The following PPFIA4 variants were observed in gnomAD, a reference collection of about 807,000 sequenced individuals.
PPFIA4 encodes the protein liprin-alpha-4.
Under a neutral mutation model 145.7 loss-of-function variants are expected in PPFIA4, and 98 were observed. The ratio of observed to expected loss-of-function variants is 0.67; its 90% confidence interval spans 0.57 to 0.80. The LOEUF (loss-of-function observed/expected upper bound fraction) is 0.80. Ranked by LOEUF, PPFIA4 falls within the 30% of genes least tolerant of loss-of-function variation. The pLI is 0.00. For synonymous variants in PPFIA4, 628 were observed against 649.6 expected (o/e 0.97, Z 0.51); for missense variants, 1,457 against 1,632.7 (o/e 0.89, Z 1.85).
At chr1:203,070,985 G>T (rs1347308657) in intron 27 of PPFIA4, among the ~76,000 whole-genome samples, 3 of 147,994 alleles carry the variant, frequency 2.0e-5, no homozygotes, top group Non-Finnish European at 3.0e-5. Flanking sequence ...ACAGGGTCTT[G>T]TTCTATCACC....
chr1:203,049,646 C>T (rs1660350602), intron 12 of PPFIA4, 30 bp from the exon 13 acceptor site: 1 of 1,387,386 alleles, frequency 7.2e-7, no homozygotes, highest in East Asian at 2.7e-5. Flanking sequence ...GGCCCCCACT[C>T]CCGCCCCCAC....
At chr1:203,053,370 TA>T (rs1660673952) in intron 14 of PPFIA4, among the ~76,000 whole-genome samples, 1 of 151,730 alleles carries the variant, frequency 6.6e-6, no homozygotes, top group Admixed American at 6.6e-5. Flanking sequence ...CCGTCTCTAC[TA>T]AAATACAAAA....
In PPFIA4 at chr1:203,044,671, TTGCCCTGGGGCTTG is replaced by T; in HGVS notation, c.577-18_577-5del. ...GGGAGGTTCTCTTCTCTTTGACTCATTGCCCTGGGGCTTGTGCCCTACAGGTGTCTGCCCTGCAG... is the reference window on the plus strand; with the variant it reads ...GGGAGGTTCTCTTCTCTTTGACTCATTGCCCTACAGGTGTCTGCCCTGCAG... On this transcript the variant is annotated splice_polypyrimidine_tract_variant and intron_variant, in intron 5 of 29. Coordinates refer to ENST00000295706, the MANE Select transcript of PPFIA4 (RefSeq NM_001304331.2). The T allele has an allele frequency of 6.5e-7, 1 of 1,537,710 alleles. No individual in the cohort carries two copies. Among genetic ancestry groups the T allele is most frequent in the Non-Finnish European group, 8.8e-7 (1 of 1,141,606 alleles).
At chr1:203,070,330 C>T (rs979973889) in intron 27 of PPFIA4, among the ~76,000 whole-genome samples, 1 of 151,978 alleles carries the variant, frequency 6.6e-6, no homozygotes, top group African/African-American at 2.4e-5. Context: ...CCTGTATGCT[C>T]AGCATTTTGG....
rs752237173 is a variant in PPFIA4, at chr1:203,044,736, C to T, written c.617C>T (p.Ala206Val). ...CAGGGGGCAGGGGTGCGGGATGGAG[C>T]GGCAGAAGAGGAGGGGACTGTGGAG... ...LQQGAGVRDG[A>V]AEEEGTVELG... The change falls in exon 6 of 30, where the codon GCG becomes GTG. Residue 206 changes from alanine (A) to valine (V), a missense_variant. Physicochemically the swap from Ala to Val is moderately conservative, Grantham distance 64. Transcript: ENST00000295706. 7.7e-5 allele frequency: 121 copies of T among 1,565,108 alleles called. No individual in the cohort carries two copies. The South Asian group carries it at 1.2e-3, about 15-fold the overall frequency.
At chr1:203,065,257 T>C (rs1379239119) in intron 25 of PPFIA4, among the ~76,000 whole-genome samples, 2 of 152,204 alleles carry the variant, frequency 1.3e-5, no homozygotes, top group African/African-American at 4.8e-5. Flanking sequence ...CCTTGGCCTA[T>C]GTGACCCCAG....
intron 1 of PPFIA4, chr1:203,035,292 C>T: frequency 2.2e-6 from 1 of 456,720 alleles, no homozygotes; most frequent in Non-Finnish European, 4.4e-6. Context: ...TGCCTTTGTC[C>T]AGCTCTCTCC....
chr1:203,067,403 C>T (rs1413147844), intron 25 of PPFIA4: 1 of 374,386 alleles, frequency 2.7e-6, no homozygotes, highest in African/African-American at 2.1e-5. Context: ...GTTCCAGTGC[C>T]TGGAGAGAGA....
At chr1:203,059,027 A>G (rs1001960964) in intron 19 of PPFIA4, 151 bp from the exon 20 acceptor site, 8 of 642,898 alleles carry the variant, frequency 1.2e-5, no homozygotes, top group Non-Finnish European at 2.2e-5. Flanking sequence ...ATGCAGGGAC[A>G]CTGAGCAGAA....
rs1052340690 is a variant in PPFIA4, at chr1:203,034,378, G to T, written c.-399-4232G>T. 15 of 448,462 alleles carry T rather than the reference G, an allele frequency of 3.3e-5. No individual in the cohort carries two copies. In the Admixed American group the frequency reaches 3.4e-4, roughly 10 times the overall value. 27.8% of individuals were successfully genotyped at this position (448,462 alleles called of 1,614,324 possible). A position where few individuals can be genotyped will look rare whatever the true frequency, so the allele number is the denominator to read the frequency against. On this transcript the variant is annotated intron_variant, in intron 1 of 29. Transcript: ENST00000295706. Reference sequence around the variant, plus strand: ...GGCTGGATTTCTGGAGGAGAGGATGGGTGAGGGCCAGGCTTCTGGGGGTAC... The same window carrying T: ...GGCTGGATTTCTGGAGGAGAGGATGTGTGAGGGCCAGGCTTCTGGGGGTAC...
intron 9 of PPFIA4, chr1:203,046,607 G>A (rs546045440): frequency 1.9e-5 from 8 of 431,694 alleles, no homozygotes; most frequent in Non-Finnish European, 2.8e-5. Flanking sequence ...AAGAAGGGGT[G>A]TAAAAGTACT....
intron 28 of PPFIA4, among the ~76,000 whole-genome samples, chr1:203,073,095 C>T (rs1420008800): frequency 6.6e-6 from 1 of 152,146 alleles, no homozygotes; most frequent in East Asian, 1.9e-4. Context: ...CAAAAATATT[C>T]TTTGAATGCC....
At chr1:203,072,546 T>C (rs1364700333) in intron 28 of PPFIA4, among the ~76,000 whole-genome samples, 1 of 152,216 alleles carries the variant, frequency 6.6e-6, no homozygotes, top group African/African-American at 2.4e-5. Flanking sequence ...GGCCCCCGCC[T>C]CCTCTTCCTC....
At chr1:203,047,853 A>T (rs571680889) in intron 9 of PPFIA4, among the ~76,000 whole-genome samples, 1 of 152,202 alleles carries the variant, frequency 6.6e-6, no homozygotes, top group African/African-American at 2.4e-5. Flanking sequence ...GCGGTGTGGC[A>T]TGAGCCCATG....
chr1:203,059,347 A>G, intron 20 of PPFIA4, 76 bp downstream of exon 20: 1 of 1,281,220 alleles, frequency 7.8e-7, no homozygotes, highest in East Asian at 2.5e-5. Flanking sequence ...GGCTGCTGTG[A>G]AACTGAGCTC....
Position 203,060,997 on chromosome 1 carries a change from G to A in PPFIA4, c.2812G>A (p.Glu938Lys). The A allele has an allele frequency of 1.2e-6, 2 of 1,614,052 alleles. No homozygotes were observed. Among genetic ancestry groups the A allele is most frequent in the Admixed American group, 3.3e-5 (2 of 60,024 alleles). ...TTCTGGGAATGTCTGGGTCACCCAT[G>A]AAGAGATGGAAACTCTGGAAACATC... ...TSSGNVWVTH[E>K]EMETLETSTK... Residue 938 changes from glutamate (E) to lysine (K), a missense_variant, in exon 23 of 30, where the codon GAA becomes AAA. Physicochemically the swap from Glu to Lys is moderately conservative, Grantham distance 56. Around this residue, in one of 3 missense-constraint regions of PPFIA4, gnomAD observed 848 missense variants for 1,046.7 expected, o/e 0.81. Transcript: ENST00000295706. The surrounding 1 kb of genome is among the most constrained non-coding windows in gnomAD (Gnocchi z 4.8).
Position 203,026,518 on chromosome 1 carries a change from T to G in PPFIA4, c.-511T>G, listed in dbSNP as rs1339419382. On this transcript the variant is annotated 5_prime_UTR_variant, in exon 1 of 30. Coordinates refer to ENST00000295706, the MANE Select transcript of PPFIA4 (RefSeq NM_001304331.2). ...GGCCGCGCGCTTGGGCGGCGGAGGC[T>G]GCAGCTACCTCGGCGCCGGCTCGGC... 1 of 152,226 alleles carries G rather than the reference T, an allele frequency of 6.6e-6. No homozygotes were observed. Among genetic ancestry groups the G allele is most frequent in the East Asian group, 1.9e-4 (1 of 5,178 alleles). The allele number at this position is 152,226 out of a possible 1,614,324, so 9.4% of individuals were successfully genotyped here.
intron 1 of PPFIA4, among the ~76,000 whole-genome samples, chr1:203,027,413 C>T (rs545476579): frequency 6.6e-6 from 1 of 152,036 alleles, no homozygotes; most frequent in Non-Finnish European, 1.5e-5. Flanking sequence ...TGGTTTTCTT[C>T]GAGAAGGAGG....
intron 24 of PPFIA4, among the ~76,000 whole-genome samples, chr1:203,062,698 G>A (rs540711821): frequency 1.3e-5 from 2 of 152,190 alleles, no homozygotes; most frequent in African/African-American, 4.8e-5. Context: ...GAGCCATAGG[G>A]TGTGAAATGA....
Sources: gnomAD v4.1 joint callset for allele counts (sites outside exome capture counted in the v4.1 genomes callset) on GRCh38, gnomAD v4.1.1 for gene constraint, gnomAD v4.1.1 regional missense constraint, Gnocchi (gnomAD v3.1) non-coding constraint, MANE v1.5 for transcripts, NCBI Gene and HGNC (gene_info 2026-07-23, HGNC 2026-07-21) for gene names.